The following KLHL15 variants were observed in gnomAD, a reference collection of about 807,000 sequenced individuals.
The protein encoded by KLHL15 is kelch-like protein 15.
In KLHL15, 1 loss-of-function variant was observed where a neutral mutation model predicts 29.3. The observed-to-expected ratio is 0.03, with a 90% confidence interval of 0.01 to 0.16. KLHL15 has a LOEUF of 0.16. Ranked by LOEUF, KLHL15 falls within the 10% of genes least tolerant of loss-of-function variation. The pLI, the probability that KLHL15 is intolerant of heterozygous loss-of-function variation, is 1.00. For missense variants in KLHL15, 215 were observed against 478.5 expected (o/e 0.45, Z 5.14); for synonymous variants, 212 against 184.5 (o/e 1.15, Z -1.21).
chrX:23,993,961 G>A (rs992631769), intron 3 of KLHL15, among the ~76,000 whole-genome samples: 1 of 105,971 alleles, frequency 9.4e-6, no homozygotes, highest in South Asian at 4.3e-4. Context: ...TGGGAGAATC[G>A]AATAGCTTGA....
intron 3 of KLHL15, among the ~76,000 whole-genome samples, chrX:24,000,527 T>C (rs16997651): frequency 0.11 from 11,789 of 111,625 alleles, 666 homozygotes; most frequent in African/African-American, 0.22. Flanking sequence ...CTGCTTATAT[T>C]TCTCACATAT....
Position 23,985,777 on chromosome X carries a change from GCT to G in KLHL15, c.*2142_*2143del, listed in dbSNP as rs1208689297. 1 of 111,992 alleles carries G rather than the reference GCT, an allele frequency of 8.9e-6. No homozygotes were observed. The highest frequency in any genetic ancestry group is 2.8e-4 in the East Asian group (1 of 3,606). 9.2% of individuals were successfully genotyped at this position (111,992 alleles called of 1,213,427 possible). The stretch of plus-strand genomic sequence containing the variant: ...TTTGATGTGGATACCTGGCCTGATG[GCT>G]CTTTCTTGGTCTTTTCTAGCAAAAG... On this transcript the variant is annotated 3_prime_UTR_variant, in exon 4 of 4. Transcript: ENST00000328046.
chrX:24,023,200 G>C, intron 2 of KLHL15, among the ~76,000 whole-genome samples: 1 of 111,581 alleles, frequency 9.0e-6, no homozygotes, highest in Non-Finnish European at 1.9e-5. Flanking sequence ...ATGAAGCCAA[G>C]CCTGCCCTGA....
In KLHL15 at chrX:24,007,506, AAAATATATAT is replaced by A. The variant is rs1364091722; in HGVS notation, c.-7-816_-7-807del. ...ACCCCATTTCCAAAAAAAAAAAAAA[AAAATATATAT>A]ATATATATATATATATATATCAAAC... On this transcript the variant is annotated intron_variant, in intron 2 of 3. Transcript: ENST00000328046. Among the ~76,000 whole-genome samples the A allele has an allele frequency of 6.0e-3, 350 of 58,326 alleles. 1 individual carries two copies. The highest frequency in any genetic ancestry group is 9.2e-3 in the Non-Finnish European group (302 of 32,919). The allele number at this position is 58,326 out of a possible 115,157, so 50.6% of individuals were successfully genotyped here.
At chrX:24,005,916 A>C in intron 3 of KLHL15, 73 bp downstream of exon 3, 3 of 780,368 alleles carry the variant, frequency 3.8e-6, no homozygotes, top group Non-Finnish European at 5.5e-6. Context: ...TAAGTCTGTG[A>C]ATCTTATCTA....
chrX:24,013,861 T>C lies in KLHL15; in HGVS notation c.-7-7161A>G, dbSNP rs1175773770. ...CATCTCTAAAAAAAAGTAGTAATAA[T>C]AGAAAAAAACAATTAGAATTAAAAA... On this transcript the variant is annotated intron_variant, in intron 2 of 3. Transcript: ENST00000328046. 2.7e-5 allele frequency among the ~76,000 whole-genome samples: 3 copies of C among 110,208 alleles called. No homozygotes were observed. In the Admixed American group the frequency reaches 2.9e-4, roughly 11 times the overall value.
chrX:23,992,571 G>A (rs771126541), intron 3 of KLHL15, among the ~76,000 whole-genome samples: 3 of 112,166 alleles, frequency 2.7e-5, no homozygotes, highest in African/African-American at 9.7e-5. Context: ...AACAAAGGAA[G>A]GAGAATGCTG....
chrX:23,989,865 G>A (rs951920630), intron 3 of KLHL15, among the ~76,000 whole-genome samples: 1 of 109,634 alleles, frequency 9.1e-6, no homozygotes, highest in Non-Finnish European at 1.9e-5. Flanking sequence ...CTGTTGCCCA[G>A]GCTGGTCTTG....
intron 3 of KLHL15, among the ~76,000 whole-genome samples, chrX:23,991,034 C>G (rs1929072660): frequency 9.1e-6 from 1 of 110,259 alleles, no homozygotes; most frequent in Admixed American, 9.8e-5. Context: ...AGGCTGAGAA[C>G]CCCTCGTCCA....
At chrX:23,991,507 G>C (rs755609364) in intron 3 of KLHL15, among the ~76,000 whole-genome samples, 58 of 109,677 alleles carry the variant, frequency 5.3e-4, no homozygotes, top group Middle Eastern at 4.6e-3. Context: ...CAACAACAGC[G>C]AAACTCTTAT....
chrX:24,019,754 A>T (rs1034818876), intron 2 of KLHL15, among the ~76,000 whole-genome samples: 7 of 110,988 alleles, frequency 6.3e-5, no homozygotes, highest in Non-Finnish European at 1.1e-4. Context: ...AACACTTCAA[A>T]CTCTCTAGTG....
At chrX:23,998,708 T>C (rs1929246327) in intron 3 of KLHL15, among the ~76,000 whole-genome samples, 1 of 111,971 alleles carries the variant, frequency 8.9e-6, no homozygotes, top group African/African-American at 3.2e-5. Context: ...AATGCTTACC[T>C]ATTACACAAG....
intron 3 of KLHL15, among the ~76,000 whole-genome samples, chrX:23,995,118 ACG>A (rs1210974036): frequency 1.8e-5 from 2 of 111,974 alleles, no homozygotes; most frequent in South Asian, 3.7e-4. Context: ...ACACACACAC[ACG>A]CATATATACA....
At chrX:24,016,144 C>G (rs1171739602) in intron 2 of KLHL15, among the ~76,000 whole-genome samples, 4 of 106,764 alleles carry the variant, frequency 3.7e-5, no homozygotes, top group Non-Finnish European at 5.8e-5. Context: ...GTCAGGAGAT[C>G]GAGACCATCC....
At position 23,987,952 on chromosome X, in the gene KLHL15, T is replaced by C. The variant is rs1399128377; in HGVS notation, c.1784A>G (p.Tyr595Cys). The part of the protein sequence containing the change: ...LQVCNLHFPD[Y>C]VLDEVRRCN ...GCAACGCCTGACCTCATCCAGTACA[T>C]AGTCCGGAAAATGCAGGTTGCATAC... The change falls in exon 4 of 4, where the codon TAT (tyrosine) becomes TGT (cysteine). Residue 595 changes from tyrosine (Y) to cysteine (C), a missense_variant. By Grantham distance (194) the Tyr-to-Cys change is radical (BLOSUM62 -2). Coordinates refer to ENST00000328046, the MANE Select transcript of KLHL15 (RefSeq NM_030624.3). 4 of 1,209,995 alleles carry C rather than the reference T, an allele frequency of 3.3e-6. No individual in the cohort carries two copies. The highest frequency in any genetic ancestry group is 4.4e-5 in the Admixed American group (2 of 45,864).
intron 2 of KLHL15, among the ~76,000 whole-genome samples, chrX:24,018,744 G>A (rs1031177976): frequency 1.8e-5 from 2 of 111,491 alleles, no homozygotes; most frequent in South Asian, 3.8e-4. Context: ...GCTCACATCC[G>A]TGATCCTAGC....
chrX:24,022,765 G>A (rs1231362549), intron 2 of KLHL15, among the ~76,000 whole-genome samples: 1 of 106,651 alleles, frequency 9.4e-6, no homozygotes, highest in Non-Finnish European at 1.9e-5. Flanking sequence ...CGTCGCCCAG[G>A]CTGGAGTGCA....
intron 3 of KLHL15, among the ~76,000 whole-genome samples, chrX:23,998,061 A>C (rs1186965472): frequency 2.4e-4 from 27 of 111,057 alleles, no homozygotes; most frequent in Non-Finnish European, 3.8e-5. Flanking sequence ...TCCCAGGTTC[A>C]AGTGATTCTC....
At chrX:24,003,575 A>C (rs28620020) in intron 3 of KLHL15, among the ~76,000 whole-genome samples, 19 of 104,770 alleles carry the variant, frequency 1.8e-4, no homozygotes, top group South Asian at 9.1e-4. Flanking sequence ...AAAAAAAAAA[A>C]CAAAAAAAAA....
Sources: allele counts gnomAD v4.1 joint callset (sites outside exome capture counted in the v4.1 genomes callset), GRCh38; gene constraint gnomAD v4.1.1; transcripts MANE v1.5; gene names NCBI Gene and HGNC (gene_info 2026-07-23, HGNC 2026-07-21).